The following NAALADL2 variants were observed in gnomAD, a reference collection of about 807,000 sequenced individuals.
NAALADL2 encodes the protein N-acetylated alpha-linked acidic dipeptidase like 2.
In NAALADL2, 76 loss-of-function variants were observed where a neutral mutation model predicts 87.2. The ratio of observed to expected loss-of-function variants is 0.87; its 90% confidence interval spans 0.72 to 1.05. NAALADL2 has a LOEUF of 1.05. NAALADL2 is among the 50% of genes least tolerant of loss of function. NAALADL2 has a pLI of 0.00. For missense variants in NAALADL2, 1,089 were observed against 945.8 expected (o/e 1.15, Z -1.99); for synonymous variants, 354 against 331.0 (o/e 1.07, Z -0.75).
chr3:174,981,603 G>T (rs1208995055), intron 1 of NAALADL2, among the ~76,000 whole-genome samples: 1 of 152,146 alleles, frequency 6.6e-6, no homozygotes, highest in Non-Finnish European at 1.5e-5. Context: ...TATATCAAAT[G>T]TAAATATACT....
At chr3:174,461,585 A>G (rs1038916880) in intron 1 of NAALADL2, among the ~76,000 whole-genome samples, 3 of 152,102 alleles carry the variant, frequency 2.0e-5, no homozygotes, top group African/African-American at 7.2e-5. Flanking sequence ...GTTTCTTTTG[A>G]AAACTTTCCT....
chr3:175,421,731 A>C (rs905228813), intron 5 of NAALADL2, among the ~76,000 whole-genome samples: 1 of 152,062 alleles, frequency 6.6e-6, no homozygotes, highest in Non-Finnish European at 1.5e-5. Flanking sequence ...GATCATGATA[A>C]ATACTATGAA....
intron 1 of NAALADL2, among the ~76,000 whole-genome samples, chr3:174,974,367 T>G (rs1744086412): frequency 6.6e-6 from 1 of 152,210 alleles, no homozygotes; most frequent in African/African-American, 2.4e-5. Context: ...GTCCAATAAA[T>G]TTTTTGAAAT....
chr3:175,623,240 T>G (rs1435377187), intron 10 of NAALADL2, among the ~76,000 whole-genome samples: 5 of 148,388 alleles, frequency 3.4e-5, no homozygotes, highest in Non-Finnish European at 7.5e-5. Flanking sequence ...GAAAACCGAA[T>G]TTATTTGTAG....
Position 175,306,629 on chromosome 3 carries a change from C to T in NAALADL2, c.940-17546C>T, listed in dbSNP as rs1465678507. 2.0e-5 allele frequency among the ~76,000 whole-genome samples: 3 copies of T among 152,190 alleles called. No homozygotes were observed. The East Asian group carries it at 5.8e-4, about 29-fold the overall frequency. On this transcript the variant is annotated intron_variant, in intron 4 of 13. Transcript: ENST00000454872. ...GATCACGAGTTCAGGAGATCCAGAC[C>T]ATCTTGGCCAGCATGGTGAAACCCC... is the stretch of plus-strand genomic sequence containing the variant.
In NAALADL2 at chr3:175,164,448, G is replaced by A. The variant is rs181596222; in HGVS notation, c.545+67157G>A. On this transcript the variant is annotated intron_variant, in intron 2 of 13. Transcript: ENST00000454872. ...ATAAAGAATTAAAGGAAAGAAGCTG[G>A]GAAACTGAATAGAAAATTATTTAAT... Among the ~76,000 whole-genome samples, 583 of 151,844 alleles carry A rather than the reference G, an allele frequency of 3.8e-3. 4 individuals carry two copies. The highest frequency in any genetic ancestry group is 6.2e-3 in the Non-Finnish European group (419 of 67,922).
chr3:174,467,346 A>G (rs531166482), intron 1 of NAALADL2, among the ~76,000 whole-genome samples: 76 of 151,890 alleles, frequency 5.0e-4, no homozygotes, highest in African/African-American at 1.8e-3. Flanking sequence ...TGTAATCCCA[A>G]CACTCTGGGA....
At chr3:175,139,018 T>C (rs7652869) in intron 2 of NAALADL2, among the ~76,000 whole-genome samples, 16,247 of 150,144 alleles carry the variant, frequency 0.11, 995 homozygotes, top group African/African-American at 0.15. Context: ...TGTGTTTTTT[T>C]GAAAGAAGTG....
chr3:174,897,563 T>C (rs1430079198), intron 1 of NAALADL2, among the ~76,000 whole-genome samples: 2 of 152,158 alleles, frequency 1.3e-5, no homozygotes, highest in African/African-American at 4.8e-5. Flanking sequence ...TGTACATTGT[T>C]GGTGGGAATA....
chr3:175,509,388 G>A (rs919505469), intron 9 of NAALADL2, among the ~76,000 whole-genome samples: 13 of 152,086 alleles, frequency 8.5e-5, no homozygotes, highest in African/African-American at 2.4e-4. Context: ...TGATTCCAAC[G>A]TGAACATCTC....
chr3:175,342,714 C>T (rs578028176), intron 5 of NAALADL2, among the ~76,000 whole-genome samples: 1 of 152,006 alleles, frequency 6.6e-6, no homozygotes, highest in Non-Finnish European at 1.5e-5. Context: ...AAGAAAAATG[C>T]TTTCCATTAT....
chr3:175,348,299 C>A (rs2148865408), intron 5 of NAALADL2, among the ~76,000 whole-genome samples: 1 of 152,238 alleles, frequency 6.6e-6, no homozygotes, highest in South Asian at 2.1e-4. Flanking sequence ...GATCTGCCCG[C>A]CTCGGCCTCC....
intron 7 of NAALADL2, 24 bp downstream of exon 7, chr3:175,463,517 A>G (rs761987226): frequency 8.0e-7 from 1 of 1,257,408 alleles, no homozygotes; most frequent in Admixed American, 1.9e-5. Flanking sequence ...AAAATTTATA[A>G]TCTACACTTT....
chr3:175,323,098 A>G (rs1453299178), intron 4 of NAALADL2, among the ~76,000 whole-genome samples: 3 of 147,208 alleles, frequency 2.0e-5, no homozygotes, highest in African/African-American at 7.5e-5. Context: ...CAAATGTCCA[A>G]CAATGATAGA....
intron 13 of NAALADL2, among the ~76,000 whole-genome samples, chr3:175,801,120 T>C (rs1754098083): frequency 6.6e-6 from 1 of 152,084 alleles, no homozygotes; most frequent in African/African-American, 2.4e-5. Context: ...AATTAATAAA[T>C]TTTGTGCTGT....
chr3:175,259,168 A>G (rs1035385961), intron 4 of NAALADL2, among the ~76,000 whole-genome samples: 10 of 152,224 alleles, frequency 6.6e-5, no homozygotes, highest in Non-Finnish European at 1.2e-4. Context: ...GCACAGTAAC[A>G]TAAGAAAAAT....
Position 175,805,826 on chromosome 3 carries a change from G to A in NAALADL2, c.*2623G>A, listed in dbSNP as rs1001226996. On this transcript the variant is annotated 3_prime_UTR_variant, in exon 14 of 14. Coordinates refer to ENST00000454872, the MANE Select transcript of NAALADL2 (RefSeq NM_207015.3). ...TTATGTTCAGGCAGGGTACACATGA[G>A]ATACTGCCCTTTATGGAAAAGCATA... 3.3e-5 allele frequency: 5 copies of A among 151,878 alleles called. No homozygotes were observed. The highest frequency in any genetic ancestry group is 1.2e-4 in the African/African-American group (5 of 41,410). 9.4% of individuals were successfully genotyped at this position (151,878 alleles called of 1,614,324 possible).
intron 11 of NAALADL2, among the ~76,000 whole-genome samples, chr3:175,682,080 A>G (rs1735673740): frequency 6.6e-6 from 1 of 152,114 alleles, no homozygotes; most frequent in African/African-American, 2.4e-5. Context: ...TGTGTCACCA[A>G]TCATAATACT....
At chr3:175,237,483 C>T (rs1259344886) in intron 3 of NAALADL2, among the ~76,000 whole-genome samples, 1 of 152,002 alleles carries the variant, frequency 6.6e-6, no homozygotes, top group Non-Finnish European at 1.5e-5. Context: ...TGTTCTCCAC[C>T]CCCAGCCTCT....
Sources: gnomAD v4.1 joint callset for allele counts (sites outside exome capture counted in the v4.1 genomes callset) on GRCh38, gnomAD v4.1.1 for gene constraint, MANE v1.5 for transcripts, NCBI Gene and HGNC (gene_info 2026-07-23, HGNC 2026-07-21) for gene names.